UGT1A7: variants seen among roughly 807,000 people sequenced by gnomAD.
UGT1A7 encodes the protein UDP glucuronosyltransferase family 1 member A7.
Under a neutral mutation model 45.6 loss-of-function variants are expected in UGT1A7, and 33 were observed. The observed-to-expected ratio is 0.72, with a 90% CI of 0.55 to 0.97. The LOEUF (loss-of-function observed/expected upper bound fraction) is 0.97. Among genes scored for constraint, UGT1A7 ranks in the 50% least tolerant of loss-of-function variants. The pLI, the probability that UGT1A7 is intolerant of heterozygous loss-of-function variation, is 0.00. For synonymous variants in UGT1A7, 274 were observed against 250.6 expected (o/e 1.09, Z -0.88); for missense variants, 684 against 666.2 (o/e 1.03, Z -0.29).
chr2:233,761,067 T>A, intron 1 of UGT1A7: 1 of 1,614,228 alleles, frequency 6.2e-7, no homozygotes, highest in Non-Finnish European at 8.5e-7. Context: ...GAAGTGACTT[T>A]GTGAAGGATT....
intron 1 of UGT1A7, among the ~76,000 whole-genome samples, chr2:233,737,149 C>G (rs2125805846): frequency 6.6e-6 from 1 of 152,368 alleles, no homozygotes; most frequent in South Asian, 2.1e-4. Flanking sequence ...TTCAGATATG[C>G]CCTGCCCACA....
chr2:233,684,736 AT>A (rs2074697690), intron 1 of UGT1A7, among the ~76,000 whole-genome samples: 1 of 152,070 alleles, frequency 6.6e-6, no homozygotes, highest in East Asian at 1.9e-4. Flanking sequence ...TAGAAAATAA[AT>A]ATAATTATCA....
At chr2:233,753,630 C>T (rs897661378) in intron 1 of UGT1A7, 6 of 152,296 alleles carry the variant, frequency 3.9e-5, no homozygotes, top group Middle Eastern at 3.4e-3. Flanking sequence ...GGGCATAACC[C>T]GTGCCAACAC....
At chr2:233,692,108 A>T (rs1183375551) in intron 1 of UGT1A7, 1 of 152,198 alleles carries the variant, frequency 6.6e-6, no homozygotes, top group African/African-American at 2.4e-5. Flanking sequence ...GATGGGCAAC[A>T]ATCTAATCAA....
chr2:233,723,002 G>A (rs1315511515), intron 1 of UGT1A7, among the ~76,000 whole-genome samples: 4 of 146,840 alleles, frequency 2.7e-5, no homozygotes, highest in Non-Finnish European at 4.5e-5. Context: ...GGCAGAGGCA[G>A]AAGAGGATGA....
chr2:233,718,647 A>G, intron 1 of UGT1A7: 1 of 1,497,740 alleles, frequency 6.7e-7, no homozygotes, highest in Non-Finnish European at 8.9e-7. Flanking sequence ...TTGGGCCCAT[A>G]ACGAAAGGCA....
chr2:233,713,425 C>T (rs748267657), intron 1 of UGT1A7: 29 of 1,614,004 alleles, frequency 1.8e-5, no homozygotes, highest in Non-Finnish European at 2.4e-5. Context: ...CATGCTACTT[C>T]CTTTGATGTG....
chr2:233,769,819 C>A lies in UGT1A7; in HGVS notation c.1295+1380C>A. On this transcript the variant is annotated intron_variant, in intron 4 of 4. Transcript: ENST00000373426. The surrounding 1 kb of genome is among the most constrained non-coding windows in gnomAD (Gnocchi z 4.4). ...GCTATGAGCCGTGATCATGCCACTG[C>A]ACTCCAGCAACCTGGGCAACAGAGT... 2 of 840,292 alleles carry A rather than the reference C, an allele frequency of 2.4e-6. No homozygotes were observed. The highest frequency in any genetic ancestry group is 3.4e-6 in the Non-Finnish European group (2 of 594,478). The allele number at this position is 840,292 out of a possible 1,614,324, so 52.1% of individuals were successfully genotyped here.
At chr2:233,726,448 G>A (rs566259784) in intron 1 of UGT1A7, among the ~76,000 whole-genome samples, 1 of 152,244 alleles carries the variant, frequency 6.6e-6, no homozygotes, top group East Asian at 1.9e-4. Flanking sequence ...TCTTTCCACT[G>A]AATGTAAGCT....
chr2:233,722,092 G>A, intron 1 of UGT1A7: 1 of 213,982 alleles, frequency 4.7e-6, no homozygotes, highest in South Asian at 7.6e-5. Context: ...GATCACCTTA[G>A]GCCTCTTAGA....
intron 1 of UGT1A7, among the ~76,000 whole-genome samples, chr2:233,724,181 C>G (rs2077184625): frequency 7.7e-6 from 1 of 129,200 alleles, no homozygotes; most frequent in Non-Finnish European, 1.6e-5. Context: ...CATCTCCCTC[C>G]CGGACGGGGT....
At chr2:233,709,538 T>C (rs957537523) in intron 1 of UGT1A7, among the ~76,000 whole-genome samples, 1 of 152,188 alleles carries the variant, frequency 6.6e-6, no homozygotes, top group African/African-American at 2.4e-5. Flanking sequence ...CCTACTGTGA[T>C]ATATGTAAGT....
At chr2:233,699,341 G>T (rs920217279) in intron 1 of UGT1A7, among the ~76,000 whole-genome samples, 1 of 152,132 alleles carries the variant, frequency 6.6e-6, no homozygotes, top group Admixed American at 6.5e-5. Context: ...ATCCACCCTA[G>T]GGCTAACCTC....
intron 1 of UGT1A7, among the ~76,000 whole-genome samples, chr2:233,735,045 C>G (rs2078601106): frequency 6.6e-6 from 1 of 152,170 alleles, no homozygotes; most frequent in Non-Finnish European, 1.5e-5. Flanking sequence ...TGGTGCAGAG[C>G]TGAGTTCAGG....
intron 1 of UGT1A7, among the ~76,000 whole-genome samples, chr2:233,688,542 C>A (rs561616482): frequency 6.6e-6 from 1 of 152,192 alleles, no homozygotes; most frequent in Non-Finnish European, 1.5e-5. Context: ...ACTTACATCA[C>A]ATGGTCTCTA....
At chr2:233,757,220 A>C (rs1182388011) in intron 1 of UGT1A7, among the ~76,000 whole-genome samples, 1 of 147,936 alleles carries the variant, frequency 6.8e-6, no homozygotes, top group Non-Finnish European at 1.5e-5. Flanking sequence ...GCTGCTGACC[A>C]AGGTTCCAGA....
chr2:233,685,677 T>C (rs757751672), intron 1 of UGT1A7, among the ~76,000 whole-genome samples: 3 of 152,234 alleles, frequency 2.0e-5, no homozygotes, highest in Non-Finnish European at 2.9e-5. Context: ...TGTGTACCCA[T>C]ATAGCCATTC....
intron 1 of UGT1A7, among the ~76,000 whole-genome samples, chr2:233,707,982 G>A (rs1273981349): frequency 6.6e-6 from 1 of 152,134 alleles, no homozygotes; most frequent in Non-Finnish European, 1.5e-5. Context: ...TGCCCACTGG[G>A]TTGTCTACTC....
At chr2:233,690,059 C>T (rs1172653804) in intron 1 of UGT1A7, among the ~76,000 whole-genome samples, 5 of 152,156 alleles carry the variant, frequency 3.3e-5, no homozygotes, top group African/African-American at 1.2e-4. Context: ...CTTCTGCAGC[C>T]CCACCTCACA....
Sources: gnomAD v4.1 joint callset for allele counts (sites outside exome capture counted in the v4.1 genomes callset) on GRCh38, gnomAD v4.1.1 for gene constraint, Gnocchi (gnomAD v3.1) non-coding constraint, MANE v1.5 for transcripts, NCBI Gene and HGNC (gene_info 2026-07-23, HGNC 2026-07-21) for gene names.